USP10: variants seen among roughly 807,000 people sequenced by gnomAD.
USP10 encodes the protein ubiquitin specific peptidase 10.
Under a neutral mutation model 84.5 loss-of-function variants are expected in USP10, and 22 were observed. The observed-to-expected ratio is 0.26, with a 90% confidence interval of 0.19 to 0.37. The LOEUF is 0.37. Among genes scored for constraint, USP10 ranks in the 10% least tolerant of loss-of-function variants. The probability of loss-of-function intolerance (pLI) is 1.00; values close to 1 mark genes in which losing one functional copy is unlikely to be tolerated. For missense variants in USP10, 1,019 were observed against 998.9 expected (o/e 1.02, Z -0.27); for synonymous variants, 454 against 387.6 (o/e 1.17, Z -2.01).
intron 2 of USP10, among the ~76,000 whole-genome samples, chr16:84,738,146 C>A (rs1428753554): frequency 6.6e-6 from 1 of 152,070 alleles, no homozygotes; most frequent in African/African-American, 2.4e-5. Flanking sequence ...GTGCGTCTTC[C>A]CAGCCTGCTG....
intron 1 of USP10, among the ~76,000 whole-genome samples, chr16:84,711,719 CTTTTTTTTTT>C (rs10706586): frequency 4.9e-4 from 56 of 114,264 alleles, no homozygotes; most frequent in Non-Finnish European, 5.9e-4. Context: ...GAAGGGCTAG[CTTTTTTTTTT>C]TTTTTTTTTT....
chr16:84,701,934 CTTCTTTTTT>C (rs1238031423), intron 1 of USP10, among the ~76,000 whole-genome samples: 8 of 92,696 alleles, frequency 8.6e-5, no homozygotes, highest in Admixed American at 3.0e-4. Context: ...TAATTTTCTT[CTTCTTTTTT>C]TTTTTTTTTT....
chr16:84,709,815 G>C (rs921126139), intron 1 of USP10, among the ~76,000 whole-genome samples: 1 of 152,182 alleles, frequency 6.6e-6, no homozygotes, highest in Non-Finnish European at 1.5e-5. Flanking sequence ...ACTGTGCAGA[G>C]GAACTGTCTC....
intron 4 of USP10, among the ~76,000 whole-genome samples, chr16:84,747,851 G>A (rs146003415): frequency 2.4e-3 from 363 of 152,018 alleles, no homozygotes; most frequent in African/African-American, 8.2e-3. Flanking sequence ...CCAGGTGTGG[G>A]CCACCGCACT....
chr16:84,757,409 G>GTGTGTT (rs1256682907), intron 4 of USP10, among the ~76,000 whole-genome samples: 1 of 72,024 alleles, frequency 1.4e-5, no homozygotes, highest in African/African-American at 3.9e-5. Flanking sequence ...GGGGGTGTGT[G>GTGTGTT]TGTGTGTGTG....
At chr16:84,748,011 A>G (rs1487798826) in intron 4 of USP10, among the ~76,000 whole-genome samples, 24 of 151,528 alleles carry the variant, frequency 1.6e-4, no homozygotes, top group Non-Finnish European at 2.2e-4. Flanking sequence ...AAAATCAGCC[A>G]GGCGTGGTGG....
At chr16:84,714,463 C>T (rs976647699) in intron 1 of USP10, among the ~76,000 whole-genome samples, 1 of 152,112 alleles carries the variant, frequency 6.6e-6, no homozygotes, top group African/African-American at 2.4e-5. Flanking sequence ...GGGCTACAGA[C>T]GTGCGCCACC....
chr16:84,702,271 G>A (rs1904983901), intron 1 of USP10, among the ~76,000 whole-genome samples: 1 of 151,858 alleles, frequency 6.6e-6, no homozygotes, highest in Non-Finnish European at 1.5e-5. Flanking sequence ...TGATCAGGCT[G>A]GTCTCAAACT....
rs773499518 is a variant in USP10 at position 84,737,150 on chromosome 16, G to A, written c.91-3159G>A. Among the ~76,000 whole-genome samples the A allele has an allele frequency of 2.6e-5, 4 of 152,302 alleles. No homozygotes were observed. The East Asian group carries it at 5.8e-4, about 22-fold the overall frequency. Reference sequence around the variant, plus strand: ...TGTGGTTCAGGAGAGTCTTTGAGACGGAAAGCAGAACACACAGGTAGCCCA... The same window carrying A: ...TGTGGTTCAGGAGAGTCTTTGAGACAGAAAGCAGAACACACAGGTAGCCCA... On this transcript the variant is annotated intron_variant, in intron 2 of 13. Coordinates refer to ENST00000219473, the MANE Select transcript of USP10 (RefSeq NM_005153.3).
intron 1 of USP10, among the ~76,000 whole-genome samples, chr16:84,727,863 T>C (rs1908711280): frequency 6.6e-6 from 1 of 152,248 alleles, no homozygotes; most frequent in Admixed American, 6.5e-5. Flanking sequence ...CAAATTTACA[T>C]TGATGCAGTA....
chr16:84,778,510 A>G lies in USP10; in HGVS notation c.2210-385A>G, dbSNP rs924152587. 1.3e-5 allele frequency among the ~76,000 whole-genome samples: 2 copies of G among 152,208 alleles called. 1 individual carries two copies. Among genetic ancestry groups the G allele is most frequent in the Non-Finnish European group, 2.9e-5 (2 of 68,038 alleles). ...ATCATAATCTCTGTCCAAGATTCAGATAATCTCTTCAGGACAGTCTAGAAG... is the reference window on the plus strand; with the variant it reads ...ATCATAATCTCTGTCCAAGATTCAGGTAATCTCTTCAGGACAGTCTAGAAG... On this transcript the variant is annotated intron_variant, in intron 13 of 13. Transcript: ENST00000219473.
At chr16:84,750,335 G>A (rs1176539867) in intron 4 of USP10, among the ~76,000 whole-genome samples, 3 of 151,724 alleles carry the variant, frequency 2.0e-5, no homozygotes, top group Non-Finnish European at 4.4e-5. Flanking sequence ...TTGAACCGGG[G>A]AGGTGGAGGT....
chr16:84,751,599 A>G (rs1173945587), intron 4 of USP10, among the ~76,000 whole-genome samples: 1 of 152,224 alleles, frequency 6.6e-6, no homozygotes, highest in Non-Finnish European at 1.5e-5. Context: ...GTTGATCTGT[A>G]GTCAATGGGT....
intron 4 of USP10, among the ~76,000 whole-genome samples, chr16:84,754,345 G>T (rs527911996): frequency 1.3e-5 from 2 of 152,086 alleles, no homozygotes; most frequent in Non-Finnish European, 2.9e-5. Flanking sequence ...TAGGTTGTTC[G>T]TGTCTCTTCT....
intron 1 of USP10, among the ~76,000 whole-genome samples, chr16:84,723,348 T>C (rs1908057389): frequency 6.6e-6 from 1 of 152,194 alleles, no homozygotes; most frequent in Non-Finnish European, 1.5e-5. Context: ...GTTTAAGTGT[T>C]ATACTTTAAA....
chr16:84,750,668 C>G (rs1911824998), intron 4 of USP10, among the ~76,000 whole-genome samples: 1 of 152,194 alleles, frequency 6.6e-6, no homozygotes, highest in Admixed American at 6.5e-5. Context: ...GATGCTTTCA[C>G]ATCACAAATA....
chr16:84,739,677 G>C (rs1360686075), intron 2 of USP10, among the ~76,000 whole-genome samples: 2 of 152,198 alleles, frequency 1.3e-5, no homozygotes, highest in Non-Finnish European at 2.9e-5. Context: ...AGTTATTTTT[G>C]AGATAACCTT....
intron 1 of USP10, among the ~76,000 whole-genome samples, chr16:84,713,920 C>T (rs142145028): frequency 8.5e-5 from 13 of 152,280 alleles, no homozygotes; most frequent in African/African-American, 2.9e-4. Flanking sequence ...GCATTTGGGA[C>T]GTGGAGAGTT....
At position 84,721,451 on chromosome 16, in the gene USP10, C is replaced by T. The variant is rs566282328; in HGVS notation, c.22-11984C>T. Reference sequence around the variant, plus strand: ...TCTGCTTTACATAGATTGTGCATAACAATTTTTAAAAAGTCAACCTTATTG... The same window carrying T: ...TCTGCTTTACATAGATTGTGCATAATAATTTTTAAAAAGTCAACCTTATTG... On this transcript the variant is annotated intron_variant, in intron 1 of 13. Transcript: ENST00000219473. 2.0e-5 allele frequency among the ~76,000 whole-genome samples: 3 copies of T among 152,326 alleles called. No individual in the cohort carries two copies. In the East Asian group the frequency reaches 5.8e-4, roughly 29 times the overall value.
Sources: gnomAD v4.1 joint callset for allele counts (sites outside exome capture counted in the v4.1 genomes callset) on GRCh38, gnomAD v4.1.1 for gene constraint, MANE v1.5 for transcripts, NCBI Gene and HGNC (gene_info 2026-07-23, HGNC 2026-07-21) for gene names.